The following FBXO42 variants were observed in gnomAD, a reference collection of about 807,000 sequenced individuals.
FBXO42 encodes F-box only protein 42.
A neutral mutation model predicts 71.7 loss-of-function variants in FBXO42; 12 were observed. The observed-to-expected ratio is 0.17, with a 90% CI of 0.11 to 0.27. FBXO42 has a LOEUF of 0.27. FBXO42 is among the 10% of genes least tolerant of loss of function. The probability of loss-of-function intolerance (pLI) is 1.00; values close to 1 mark genes in which losing one functional copy is unlikely to be tolerated. For synonymous variants in FBXO42, 325 were observed against 327.5 expected, an observed-to-expected ratio of 0.99 and a Z score of 0.08; for missense variants, 707 against 911.9, an observed-to-expected ratio of 0.78 and a Z score of 2.89.
intron 4 of FBXO42, among the ~76,000 whole-genome samples, chr1:16,274,652 C>T (rs528326558): frequency 4.9e-5 from 6 of 121,780 alleles, no homozygotes; most frequent in Admixed American, 4.5e-4. Flanking sequence ...AGTGCAGTGG[C>T]GTGAACTTGG....
At chr1:16,300,919 G>A (rs1433284308) in intron 3 of FBXO42, among the ~76,000 whole-genome samples, 7 of 98,570 alleles carry the variant, frequency 7.1e-5, no homozygotes, top group Non-Finnish European at 1.1e-4. Flanking sequence ...TTTTTTTTGA[G>A]ACAGAGTGTT....
chr1:16,329,453 G>A (rs1381469238), intron 1 of FBXO42, among the ~76,000 whole-genome samples: 1 of 151,760 alleles, frequency 6.6e-6, no homozygotes, highest in Non-Finnish European at 1.5e-5. Context: ...GCGTGGCGGT[G>A]TGCGCCTGTA....
chr1:16,352,272 A>G lies in FBXO42; in HGVS notation c.-35T>C. The G allele has an allele frequency of 2.5e-6, 1 of 395,650 alleles. No homozygotes were observed. The highest frequency in any genetic ancestry group is 4.5e-6 in the Non-Finnish European group (1 of 224,488). 24.5% of individuals were successfully genotyped at this position (395,650 alleles called of 1,614,324 possible). A position where few individuals can be genotyped will look rare whatever the true frequency, so the allele number is the denominator to read the frequency against. On this transcript the variant is annotated 5_prime_UTR_variant, in exon 1 of 10. Coordinates refer to ENST00000375592, the MANE Select transcript of FBXO42 (RefSeq NM_018994.3). ...GGCCTCACCTGGCCCAGCCCGCTCC[A>G]CGCTCTCGGGTTCGCTCCGCTGGCG...
At chr1:16,263,668 A>C (rs984951704) in intron 4 of FBXO42, among the ~76,000 whole-genome samples, 3 of 151,438 alleles carry the variant, frequency 2.0e-5, no homozygotes, top group African/African-American at 7.3e-5. Flanking sequence ...GGTTGCAGTG[A>C]GCCAAGATCG....
At position 16,246,941 on chromosome 1, in the gene FBXO42, A is replaced by G. The variant is rs1244365875; in HGVS notation, c.*3729T>C. The stretch of plus-strand genomic sequence containing the variant: ...ACAGATTTAAATATCAATGAAATCC[A>G]TGTTTCATTCCTACACTGTTATGTG... On this transcript the variant is annotated 3_prime_UTR_variant, in exon 10 of 10. Transcript: ENST00000375592. 1 of 152,268 alleles carries G rather than the reference A, an allele frequency of 6.6e-6. No individual in the cohort carries two copies. The highest frequency in any genetic ancestry group is 1.5e-5 in the Non-Finnish European group (1 of 68,052). The allele number at this position is 152,268 out of a possible 1,614,324, so 9.4% of individuals were successfully genotyped here. A position where few individuals can be genotyped will look rare whatever the true frequency, so the allele number is the denominator to read the frequency against.
chr1:16,254,651 T>C (rs1569808017), intron 6 of FBXO42, among the ~76,000 whole-genome samples: 3 of 152,206 alleles, frequency 2.0e-5, no homozygotes, highest in East Asian at 1.9e-4. Context: ...AATATGAAGA[T>C]GGAAATGCCC....
At chr1:16,336,210 T>C (rs952221215) in intron 1 of FBXO42, among the ~76,000 whole-genome samples, 8 of 151,908 alleles carry the variant, frequency 5.3e-5, no homozygotes, top group African/African-American at 1.9e-4. Flanking sequence ...AGTGTTGGGA[T>C]TACAGGCATG....
intron 1 of FBXO42, among the ~76,000 whole-genome samples, chr1:16,334,919 C>T (rs1211543038): frequency 6.6e-6 from 1 of 151,634 alleles, no homozygotes; most frequent in East Asian, 1.9e-4. Flanking sequence ...TCCTTAGTAT[C>T]AGGAAGAAAA....
chr1:16,282,925 G>A (rs2081980101), intron 4 of FBXO42, among the ~76,000 whole-genome samples: 1 of 151,348 alleles, frequency 6.6e-6, no homozygotes, highest in Non-Finnish European at 1.5e-5. Flanking sequence ...AGGATGCAGT[G>A]AGCTGAGATC....
intron 1 of FBXO42, among the ~76,000 whole-genome samples, chr1:16,350,573 CAAAAA>C (rs60358251): frequency 0.31 from 20,371 of 66,312 alleles, 1,644 homozygotes; most frequent in African/African-American, 0.32. Context: ...ACTAAAATTA[CAAAAA>C]AAAAAAAAAA....
chr1:16,346,149 G>A (rs1257274434), intron 1 of FBXO42, among the ~76,000 whole-genome samples: 1 of 152,120 alleles, frequency 6.6e-6, no homozygotes, highest in Non-Finnish European at 1.5e-5. Flanking sequence ...CTACCACTGA[G>A]GTGACCACTT....
chr1:16,314,405 C>T (rs1213421044), intron 2 of FBXO42, among the ~76,000 whole-genome samples: 3 of 152,170 alleles, frequency 2.0e-5, no homozygotes, highest in South Asian at 2.1e-4. Flanking sequence ...AAAGCCAGAT[C>T]GCCTGAACGT....
Position 16,321,376 on chromosome 1 carries a change from T to C in FBXO42, c.-17-5941A>G, listed in dbSNP as rs6688193. Among the ~76,000 whole-genome samples the C allele has an allele frequency of 3.0e-3, 464 of 152,330 alleles. 1 individual carries two copies. The highest frequency in any genetic ancestry group is 0.01 in the African/African-American group (434 of 41,578). On this transcript the variant is annotated intron_variant, in intron 1 of 9. Transcript: ENST00000375592. The stretch of plus-strand genomic sequence containing the variant: ...CATCACTCATATTCCCCCAAGGATA[T>C]AGAGGCATTTTGAAACTCTGAGTTT...
At chr1:16,334,079 T>C (rs2100615146) in intron 1 of FBXO42, among the ~76,000 whole-genome samples, 1 of 152,300 alleles carries the variant, frequency 6.6e-6, no homozygotes. Flanking sequence ...AGATAGCTTA[T>C]AATATGAAAT....
chr1:16,273,826 C>CCA (rs763733544), intron 4 of FBXO42, among the ~76,000 whole-genome samples: 8 of 151,018 alleles, frequency 5.3e-5, no homozygotes, highest in Non-Finnish European at 7.4e-5. Flanking sequence ...CTGCAGTGAG[C>CCA]CAAGATTGTG....
In FBXO42 at chr1:16,341,917, G is replaced by C. The variant is rs149034442; in HGVS notation, c.-18+10338C>G. On this transcript the variant is annotated intron_variant, in intron 1 of 9. Transcript: ENST00000375592. Reference sequence around the variant, plus strand: ...ACCTGGGAGGCGGAGGTCGCGATGAGCCAAGATCGCGTCATTGTACTCAAG... The same window carrying C: ...ACCTGGGAGGCGGAGGTCGCGATGACCCAAGATCGCGTCATTGTACTCAAG... Among the ~76,000 whole-genome samples, 450 of 148,258 alleles carry C rather than the reference G, an allele frequency of 3.0e-3. 1 individual carries two copies. Among genetic ancestry groups the C allele is most frequent in the African/African-American group, 0.011 (422 of 40,100 alleles).
rs35314548 is a variant in FBXO42 at position 16,264,137 on chromosome 1, G to A, written c.503-7378C>T. 1.7e-4 allele frequency among the ~76,000 whole-genome samples: 26 copies of A among 152,264 alleles called. No homozygotes were observed. In the South Asian group the frequency reaches 2.1e-3, roughly 12 times the overall value. ...ACAATAATTTTTATATGGAGTAGCCGTAGATAAAATGTCAAGTAATGACTT... is the reference window on the plus strand; with the variant it reads ...ACAATAATTTTTATATGGAGTAGCCATAGATAAAATGTCAAGTAATGACTT... On this transcript the variant is annotated intron_variant, in intron 4 of 9. Transcript: ENST00000375592.
intron 2 of FBXO42, among the ~76,000 whole-genome samples, chr1:16,313,846 G>A (rs2082339111): frequency 1.3e-5 from 2 of 152,120 alleles, no homozygotes; most frequent in African/African-American, 4.8e-5. Flanking sequence ...AACAAAAAAT[G>A]GGCCCTTTCC....
At chr1:16,323,794 CAAAAAAAAAAAAAAA>C (rs1158421632) in intron 1 of FBXO42, among the ~76,000 whole-genome samples, 1 of 63,252 alleles carries the variant, frequency 1.6e-5, no homozygotes, top group Non-Finnish European at 2.8e-5. Flanking sequence ...GACTCTGTCT[CAAAAAAAAAAAAAAA>C]AAAAAAAAAG....
Sources: gnomAD v4.1 joint callset for allele counts (sites outside exome capture counted in the v4.1 genomes callset) on GRCh38, gnomAD v4.1.1 for gene constraint, MANE v1.5 for transcripts, NCBI Gene and HGNC (gene_info 2026-07-23, HGNC 2026-07-21) for gene names.